The following PRR16 variants were observed in gnomAD, a reference collection of about 807,000 sequenced individuals.
The protein encoded by PRR16 is protein Largen.
In PRR16, 6 loss-of-function variants were observed where a neutral mutation model predicts 18.2. The ratio of observed to expected loss-of-function variants is 0.33; its 90% CI spans 0.18 to 0.65. The LOEUF is 0.65. Ranked by LOEUF, PRR16 falls within the 30% of genes least tolerant of loss-of-function variation. The pLI, the probability that PRR16 is intolerant of heterozygous loss-of-function variation, is 0.74. For missense variants in PRR16, 412 were observed against 376.6 expected (o/e 1.09, Z -0.78); for synonymous variants, 151 against 147.8 (o/e 1.02, Z -0.16).
intron 1 of PRR16, among the ~76,000 whole-genome samples, chr5:120,628,507 G>T (rs551269653): frequency 2.6e-5 from 4 of 151,964 alleles, no homozygotes; most frequent in Non-Finnish European, 5.9e-5. Context: ...CAATGTATTG[G>T]AACTTTTTCT....
At chr5:120,501,296 T>G (rs1054153474) in intron 1 of PRR16, among the ~76,000 whole-genome samples, 2 of 152,166 alleles carry the variant, frequency 1.3e-5, no homozygotes, top group Non-Finnish European at 2.9e-5. Flanking sequence ...AAAATAGGTT[T>G]AAATATACAT....
At chr5:120,671,198 C>T (rs1032230711) in intron 1 of PRR16, among the ~76,000 whole-genome samples, 1 of 152,156 alleles carries the variant, frequency 6.6e-6, no homozygotes, top group African/African-American at 2.4e-5. Flanking sequence ...TTCAAATCTT[C>T]TTCTTTTACT....
At chr5:120,515,935 G>A (rs1241347804) in intron 1 of PRR16, among the ~76,000 whole-genome samples, 1 of 152,164 alleles carries the variant, frequency 6.6e-6, no homozygotes, top group Non-Finnish European at 1.5e-5. Context: ...GTTTAAGAGA[G>A]CCTCACCTAA....
chr5:120,719,237 CCT>C, the PRR16 span, among the ~76,000 whole-genome samples: 1 of 151,848 alleles, frequency 6.6e-6, no homozygotes, highest in African/African-American at 2.4e-5. Context: ...TTTTTTCAGA[CCT>C]AGTGAGTTTG....
the PRR16 span, among the ~76,000 whole-genome samples, chr5:120,743,998 C>T: frequency 2.0e-4 from 30 of 151,980 alleles, no homozygotes; most frequent in Non-Finnish European, 2.9e-5. Context: ...TTTTCCTTTT[C>T]ATCTCTTTCT....
chr5:120,621,644 C>T (rs1754693296), intron 1 of PRR16, among the ~76,000 whole-genome samples: 1 of 152,086 alleles, frequency 6.6e-6, no homozygotes, highest in East Asian at 1.9e-4. Context: ...TTCCCCAGTG[C>T]TGTTCTCATG....
At chr5:120,736,623 A>C in the PRR16 span, among the ~76,000 whole-genome samples, 1 of 135,434 alleles carries the variant, frequency 7.4e-6, no homozygotes, top group East Asian at 2.1e-4. Context: ...CTATTTCTGC[A>C]AAAACTGTCA....
the PRR16 span, among the ~76,000 whole-genome samples, chr5:120,769,894 A>T: frequency 6.6e-6 from 1 of 151,858 alleles, no homozygotes; most frequent in East Asian, 1.9e-4. Context: ...TTTTTAATAA[A>T]AGCCAACTTA....
intron 1 of PRR16, among the ~76,000 whole-genome samples, chr5:120,513,864 T>A (rs1291915179): frequency 1.3e-5 from 2 of 151,686 alleles, no homozygotes; most frequent in Non-Finnish European, 1.5e-5. Flanking sequence ...GTTCAAGCAA[T>A]TCTCCTGCCT....
At position 120,667,137 on chromosome 5, in the gene PRR16, T is replaced by G. The variant is rs1459717144; in HGVS notation, c.160-18817T>G. 1.4e-4 allele frequency among the ~76,000 whole-genome samples: 21 copies of G among 152,300 alleles called. No individual in the cohort carries two copies. In the East Asian group the frequency reaches 2.9e-3, roughly 21 times the overall value. On this transcript the variant is annotated intron_variant, in intron 1 of 1. Coordinates refer to ENST00000407149, the MANE Select transcript of PRR16 (RefSeq NM_001300783.2). Reference sequence around the variant, plus strand: ...TATTGATTATTGCCACAATTTCCGATCCTGTTATTGGTCTCTTCAGAGATT... The same window carrying G: ...TATTGATTATTGCCACAATTTCCGAGCCTGTTATTGGTCTCTTCAGAGATT...
chr5:120,751,803 T>C, the PRR16 span, among the ~76,000 whole-genome samples: 2 of 152,088 alleles, frequency 1.3e-5, no homozygotes, highest in Non-Finnish European at 2.9e-5. Flanking sequence ...AGGGGGTGGG[T>C]GGAAGTACTT....
intron 1 of PRR16, among the ~76,000 whole-genome samples, chr5:120,503,082 C>G (rs182630619): frequency 9.5e-4 from 144 of 152,168 alleles, no homozygotes; most frequent in East Asian, 3.3e-3. Context: ...TTTAGTTAAT[C>G]TTGGTTAAAG....
At chr5:120,791,377 CATT>C in the PRR16 span, among the ~76,000 whole-genome samples, 10 of 152,054 alleles carry the variant, frequency 6.6e-5, no homozygotes, top group East Asian at 1.2e-3. Context: ...GCTATTTTAA[CATT>C]ATAGTTATAA....
rs146222668 is a variant in PRR16 at position 120,685,878 on chromosome 5, T to G, written c.160-76T>G. ...TAAGGCTTCCATAGCAGATTTCCCC[T>G]AGACAAAAATAAATTGTTTCTAGTA... On this transcript the variant is annotated intron_variant, in intron 1 of 1. Coordinates refer to ENST00000407149, the MANE Select transcript of PRR16 (RefSeq NM_001300783.2). 4.5e-4 allele frequency: 651 copies of G among 1,436,924 alleles called. 7 individuals are homozygous for G. In the East Asian group the frequency reaches 0.014, roughly 31 times the overall value. 89.0% of individuals were successfully genotyped at this position (1,436,924 alleles called of 1,614,324 possible). A position where few individuals can be genotyped will look rare whatever the true frequency, so the allele number is the denominator to read the frequency against.
the PRR16 span, chr5:120,710,853 T>C: frequency 1.3e-5 from 2 of 152,292 alleles, no homozygotes; most frequent in Admixed American, 1.3e-4. Flanking sequence ...TATTATCTTA[T>C]AATTCTTATA....
chr5:120,753,130 T>C, the PRR16 span, among the ~76,000 whole-genome samples: 1 of 151,948 alleles, frequency 6.6e-6, no homozygotes, highest in Non-Finnish European at 1.5e-5. Flanking sequence ...AAAAGGTCAA[T>C]CTGGTGTACA....
rs1186907238 is a variant in PRR16 at position 120,464,642 on chromosome 5, G to A, written c.156G>A (p.Lys52=). 6.4e-7 allele frequency: 1 copy of A among 1,558,552 alleles called. No homozygotes were observed. The highest frequency in any genetic ancestry group is 1.3e-5 in the African/African-American group (1 of 74,294). The change falls in exon 1 of 2, where the codon AAG becomes AAA. Residue 52 remains lysine, a synonymous_variant. Transcript: ENST00000407149. The part of the protein sequence containing the change: ...GDLKDVAKEL[K]EVVDQIDTLT... ...TGAAGGACGTGGCCAAGGAACTTAA[G>A]GAGGTGAGAGGCGCAGGGGTGGGGA...
chr5:120,498,822 C>G (rs1750347179), intron 1 of PRR16, among the ~76,000 whole-genome samples: 1 of 151,936 alleles, frequency 6.6e-6, no homozygotes, highest in Non-Finnish European at 1.5e-5. Flanking sequence ...GTTCTTTTCT[C>G]TTAGCATTTA....
chr5:120,764,319 T>C, the PRR16 span, among the ~76,000 whole-genome samples: 1 of 152,150 alleles, frequency 6.6e-6, no homozygotes. Flanking sequence ...GAGATTATCA[T>C]ATGTTTTCAT....
Sources: gnomAD v4.1 joint callset for allele counts (sites outside exome capture counted in the v4.1 genomes callset) on GRCh38, gnomAD v4.1.1 for gene constraint, MANE v1.5 for transcripts, NCBI Gene and HGNC (gene_info 2026-07-23, HGNC 2026-07-21) for gene names.